The following STK32B variants were observed in gnomAD, a reference collection of about 807,000 sequenced individuals.
STK32B encodes the protein serine/threonine-protein kinase 32B.
STK32B carries 43 observed loss-of-function variants against 52.6 expected under a neutral mutation model. The observed-to-expected ratio is 0.82, with a 90% CI of 0.64 to 1.05. STK32B has a LOEUF of 1.05. Among genes scored for constraint, STK32B ranks in the 50% least tolerant of loss-of-function variants. The probability of loss-of-function intolerance (pLI) is 0.00; values close to 1 mark genes in which losing one functional copy is unlikely to be tolerated. For missense variants in STK32B, 621 were observed against 534.6 expected (o/e 1.16, Z -1.59); for synonymous variants, 238 against 204.3 (o/e 1.17, Z -1.41).
intron 3 of STK32B, among the ~76,000 whole-genome samples, chr4:5,195,373 C>T (rs906815742): frequency 2.6e-5 from 4 of 152,128 alleles, no homozygotes; most frequent in African/African-American, 7.2e-5. Context: ...ACCTGCTGCT[C>T]CTGGGCACTT....
chr4:5,428,689 T>C (rs1019582658), intron 6 of STK32B, among the ~76,000 whole-genome samples: 2 of 152,214 alleles, frequency 1.3e-5, no homozygotes, highest in Non-Finnish European at 2.9e-5. Flanking sequence ...TCAGGTTTTG[T>C]ATGTATTTTT....
chr4:5,090,637 A>G (rs1011033772), intron 1 of STK32B, among the ~76,000 whole-genome samples: 14 of 152,182 alleles, frequency 9.2e-5, no homozygotes, highest in Non-Finnish European at 2.1e-4. Context: ...TGCTGGGATT[A>G]CAGGCATGAG....
At chr4:5,365,289 T>C (rs1053103700) in intron 4 of STK32B, among the ~76,000 whole-genome samples, 2 of 152,204 alleles carry the variant, frequency 1.3e-5, no homozygotes, top group Non-Finnish European at 2.9e-5. Context: ...AAAAGATTTA[T>C]TTACGTATCT....
intron 3 of STK32B, among the ~76,000 whole-genome samples, chr4:5,313,240 C>T (rs1577328378): frequency 2.0e-5 from 3 of 151,956 alleles, no homozygotes; most frequent in African/African-American, 4.8e-5. Flanking sequence ...ATTTTTAAGG[C>T]AGTCAATGTA....
chr4:5,284,985 G>A (rs750744507), intron 3 of STK32B, among the ~76,000 whole-genome samples: 1 of 152,084 alleles, frequency 6.6e-6, no homozygotes, highest in African/African-American at 2.4e-5. Flanking sequence ...AGCTGCAGCT[G>A]TGGTTGCCCA....
At chr4:5,250,685 T>G (rs28821536) in intron 3 of STK32B, among the ~76,000 whole-genome samples, 1 of 152,224 alleles carries the variant, frequency 6.6e-6, no homozygotes, top group Non-Finnish European at 1.5e-5. Context: ...CTACCAGCAG[T>G]GTATAAGCAT....
At chr4:5,204,692 ACTC>A (rs535396103) in intron 3 of STK32B, among the ~76,000 whole-genome samples, 1 of 151,326 alleles carries the variant, frequency 6.6e-6, no homozygotes, top group South Asian at 2.1e-4. Flanking sequence ...CTGGTCTTGA[ACTC>A]CTGACCTTGT....
chr4:5,222,554 C>T (rs143997736), intron 3 of STK32B, among the ~76,000 whole-genome samples: 431 of 152,222 alleles, frequency 2.8e-3, no homozygotes, highest in African/African-American at 9.8e-3. Context: ...GGAAAGACAA[C>T]GTTTGTTACA....
chr4:5,172,771 T>C (rs1478143111), intron 3 of STK32B, among the ~76,000 whole-genome samples: 1 of 152,168 alleles, frequency 6.6e-6, no homozygotes, highest in Non-Finnish European at 1.5e-5. Context: ...TAAAATTCTC[T>C]TTTTTGGTTG....
At chr4:5,359,107 T>C (rs1734376265) in intron 4 of STK32B, among the ~76,000 whole-genome samples, 2 of 152,212 alleles carry the variant, frequency 1.3e-5, no homozygotes, top group Admixed American at 6.5e-5. Context: ...AAATGTGTGC[T>C]TTATCTTGTA....
chr4:5,261,951 A>C (rs558095309), intron 3 of STK32B, among the ~76,000 whole-genome samples: 1 of 152,210 alleles, frequency 6.6e-6, no homozygotes, highest in Admixed American at 6.5e-5. Flanking sequence ...TCAAATGTAA[A>C]TGAGCAGCAG....
In STK32B at chr4:5,469,501, G is replaced by A. The variant is rs1717694373; in HGVS notation, c.1106+1431G>A. On this transcript the variant is annotated intron_variant, in intron 11 of 11. Coordinates refer to ENST00000282908, the MANE Select transcript of STK32B (RefSeq NM_018401.3). This position sits in a 1 kb window ranked among gnomAD's most constrained non-coding sequence, Gnocchi z 4.7. ...AGGAAGACAGCATGGCTGCCGCAGG[G>A]CCTAGAGAGTGAGGAGAGGTGAGGG... Among the ~76,000 whole-genome samples, 1 of 152,216 alleles carries A rather than the reference G, an allele frequency of 6.6e-6. No homozygotes were observed.
intron 6 of STK32B, among the ~76,000 whole-genome samples, chr4:5,435,201 C>A (rs924317437): frequency 6.6e-6 from 1 of 152,146 alleles, no homozygotes; most frequent in Non-Finnish European, 1.5e-5. Context: ...TTGGAAGAAG[C>A]TTTAGTTGTT....
rs1263359428 is a variant in STK32B at position 5,386,135 on chromosome 4, TC to T, written c.435-12070del. Among the ~76,000 whole-genome samples the T allele has an allele frequency of 6.6e-6, 1 of 151,620 alleles. No homozygotes were observed. The highest frequency in any genetic ancestry group is 2.4e-5 in the African/African-American group (1 of 41,256). On this transcript the variant is annotated intron_variant, in intron 4 of 11. Coordinates refer to ENST00000282908, the MANE Select transcript of STK32B (RefSeq NM_018401.3). This position sits in a 1 kb window ranked among gnomAD's most constrained non-coding sequence, Gnocchi z 4.5. ...CCACCCACAGCTCTTGGCCCACAGTTCCTGGCCTTTGTACTCCCTGGACTCT... is the reference window on the plus strand; with the variant it reads ...CCACCCACAGCTCTTGGCCCACAGTTCTGGCCTTTGTACTCCCTGGACTCT...
chr4:5,097,970 T>C (rs932084190), intron 1 of STK32B, among the ~76,000 whole-genome samples: 16 of 152,218 alleles, frequency 1.1e-4, no homozygotes, highest in Admixed American at 6.5e-4. Context: ...TTCAGCTAGG[T>C]ACTGGCCAGT....
chr4:5,301,366 A>G (rs1211842675), intron 3 of STK32B, among the ~76,000 whole-genome samples: 1 of 152,076 alleles, frequency 6.6e-6, no homozygotes, highest in Non-Finnish European at 1.5e-5. Context: ...CTGAATGGTA[A>G]AATTAATCAG....
intron 3 of STK32B, among the ~76,000 whole-genome samples, chr4:5,311,927 GTTTA>G (rs1730321785): frequency 7.0e-6 from 1 of 143,226 alleles, no homozygotes; most frequent in African/African-American, 2.7e-5. Context: ...TTTTTTTAAA[GTTTA>G]TTCTTATTTT....
chr4:5,155,824 C>T (rs551566534), intron 2 of STK32B, among the ~76,000 whole-genome samples: 1 of 152,242 alleles, frequency 6.6e-6, no homozygotes, highest in African/African-American at 2.4e-5. Context: ...TCAATTAAAC[C>T]TCTTTTCTTT....
intron 3 of STK32B, among the ~76,000 whole-genome samples, chr4:5,298,223 C>A (rs1351623915): frequency 6.6e-6 from 1 of 152,176 alleles, no homozygotes; most frequent in Non-Finnish European, 1.5e-5. Flanking sequence ...GTCTGTCGAC[C>A]CCTGCTGCGA....
Sources: allele counts gnomAD v4.1 joint callset (sites outside exome capture counted in the v4.1 genomes callset), GRCh38; gene constraint gnomAD v4.1.1; non-coding constraint Gnocchi (gnomAD v3.1); transcripts MANE v1.5; gene names NCBI Gene and HGNC (gene_info 2026-07-23, HGNC 2026-07-21).